The following FARS2 variants were observed in gnomAD, a reference collection of about 807,000 sequenced individuals.
FARS2 encodes the protein phenylalanine--tRNA ligase, mitochondrial.
FARS2 carries 40 observed loss-of-function variants against 46.4 expected under a neutral mutation model. The observed-to-expected ratio is 0.86, with a 90% CI of 0.67 to 1.12. The LOEUF (loss-of-function observed/expected upper bound fraction) is 1.12, where lower values mean the gene tolerates loss of function less well. FARS2 is among the 50% of genes most tolerant of loss of function. The probability of loss-of-function intolerance (pLI) is 0.00; values close to 1 mark genes in which losing one functional copy is unlikely to be tolerated. For missense variants in FARS2, 513 were observed against 567.9 expected (o/e 0.90, Z 0.98); for synonymous variants, 234 against 214.9 (o/e 1.09, Z -0.78).
At chr6:5,728,642 G>A (rs1029350879) in intron 6 of FARS2, among the ~76,000 whole-genome samples, 2 of 152,194 alleles carry the variant, frequency 1.3e-5, no homozygotes, top group South Asian at 2.1e-4. Flanking sequence ...CATAAAGAAA[G>A]GCTCAGTATA....
intron 1 of FARS2, among the ~76,000 whole-genome samples, chr6:5,366,741 C>T (rs551900536): frequency 8.5e-5 from 13 of 152,262 alleles, no homozygotes; most frequent in South Asian, 2.1e-4. Flanking sequence ...AGCACCTTTC[C>T]GAGAACAATT....
intron 6 of FARS2, among the ~76,000 whole-genome samples, chr6:5,644,908 C>T (rs1777001811): frequency 6.6e-6 from 1 of 152,180 alleles, no homozygotes; most frequent in Non-Finnish European, 1.5e-5. Flanking sequence ...ATGGGAATAG[C>T]TGCACACTCA....
intron 6 of FARS2, among the ~76,000 whole-genome samples, chr6:5,732,453 T>C (rs1304228312): frequency 6.6e-6 from 1 of 152,162 alleles, no homozygotes; most frequent in Non-Finnish European, 1.5e-5. Flanking sequence ...TTCTCATCTC[T>C]GTAGCTCCTC....
intron 6 of FARS2, among the ~76,000 whole-genome samples, chr6:5,654,215 G>C (rs1279757155): frequency 1.3e-5 from 2 of 152,148 alleles, no homozygotes; most frequent in Non-Finnish European, 1.5e-5. Context: ...TCATAGGTCA[G>C]TGTGGTCTGC....
chr6:5,272,055 G>T (rs1356082574), intron 1 of FARS2, among the ~76,000 whole-genome samples: 1 of 152,046 alleles, frequency 6.6e-6, no homozygotes, highest in Non-Finnish European at 1.5e-5. Context: ...GTTTTAAATG[G>T]GTGTGTTCTG....
At chr6:5,392,733 TATACAC>T (rs976796346) in intron 2 of FARS2, among the ~76,000 whole-genome samples, 8 of 85,124 alleles carry the variant, frequency 9.4e-5, no homozygotes, top group African/African-American at 3.5e-4. Flanking sequence ...AATATATATA[TATACAC>T]ACACACACAC....
intron 6 of FARS2, chr6:5,667,934 C>G (rs2326633): frequency 6.6e-6 from 1 of 152,368 alleles, no homozygotes; most frequent in Admixed American, 6.5e-5. Context: ...TTTCTAACAT[C>G]GATGTGGGAT....
chr6:5,617,618 C>T (rs907686782), intron 6 of FARS2, among the ~76,000 whole-genome samples: 5 of 152,168 alleles, frequency 3.3e-5, no homozygotes, highest in Non-Finnish European at 5.9e-5. Flanking sequence ...GTGGTATTTC[C>T]AGAAGTTTCT....
rs559667532 is a variant in FARS2, at chr6:5,321,925, G to A, written c.-21-46625G>A. ...AGAGCTATTCACAATTTATGGTGTG[G>A]TGGGACATAAGTTATGTCTTACATT... On this transcript the variant is annotated intron_variant, in intron 1 of 6. Coordinates refer to ENST00000274680, the MANE Select transcript of FARS2 (RefSeq NM_006567.5). Among the ~76,000 whole-genome samples, 3 of 152,332 alleles carry A rather than the reference G, an allele frequency of 2.0e-5. No homozygotes were observed. In the South Asian group the frequency reaches 6.2e-4, roughly 32 times the overall value.
intron 6 of FARS2, among the ~76,000 whole-genome samples, chr6:5,617,781 G>T (rs1775552849): frequency 6.6e-6 from 1 of 152,190 alleles, no homozygotes; most frequent in African/African-American, 2.4e-5. Context: ...ATAGCCTGGG[G>T]CTTGAATCTG....
chr6:5,350,547 C>G (rs979281143), intron 1 of FARS2, among the ~76,000 whole-genome samples: 1 of 152,022 alleles, frequency 6.6e-6, no homozygotes, highest in East Asian at 1.9e-4. Flanking sequence ...AGTTTATTTT[C>G]GACAAAAGCC....
chr6:5,546,094 C>T lies in FARS2; in HGVS notation c.1065+754C>T, dbSNP rs553129885. On this transcript the variant is annotated intron_variant, in intron 5 of 6. Transcript: ENST00000274680. ...AGTCAGCTGAGATCGTGCCATTGCA[C>T]TCCAGCCTGGGCAAAAATAGCGAAA... Among the ~76,000 whole-genome samples, 9 of 152,080 alleles carry T rather than the reference C, an allele frequency of 5.9e-5. No individual in the cohort carries two copies. In the South Asian group the frequency reaches 1.0e-3, roughly 18 times the overall value.
chr6:5,337,755 T>C (rs900648667), intron 1 of FARS2, among the ~76,000 whole-genome samples: 2 of 152,194 alleles, frequency 1.3e-5, no homozygotes, highest in African/African-American at 2.4e-5. Flanking sequence ...GTTTCTTCCT[T>C]CTAGTGGTCA....
Position 5,313,412 on chromosome 6 carries a change from C to G in FARS2, c.-22+51752C>G, listed in dbSNP as rs914442762. Among the ~76,000 whole-genome samples, 6 of 152,170 alleles carry G rather than the reference C, an allele frequency of 3.9e-5. No homozygotes were observed. In the South Asian group the frequency reaches 1.2e-3, roughly 32 times the overall value. On this transcript the variant is annotated intron_variant, in intron 1 of 6. Transcript: ENST00000274680. The stretch of plus-strand genomic sequence containing the variant: ...GCATAAAGGCTCATTGACGCAGGGC[C>G]GTTCCTTATCATTTTAGCTGATTCC...
chr6:5,547,229 G>A (rs1168293441), intron 5 of FARS2, among the ~76,000 whole-genome samples: 5 of 152,146 alleles, frequency 3.3e-5, no homozygotes, highest in Non-Finnish European at 5.9e-5. Context: ...TGGGATTACA[G>A]GTATGAACCA....
intron 6 of FARS2, among the ~76,000 whole-genome samples, chr6:5,721,460 A>G (rs565104923): frequency 1.3e-5 from 2 of 152,368 alleles, no homozygotes; most frequent in South Asian, 2.1e-4. Context: ...AATGACTGAT[A>G]TAATTTTTCA....
At chr6:5,442,056 G>T (rs114403670) in intron 4 of FARS2, among the ~76,000 whole-genome samples, 1 of 152,030 alleles carries the variant, frequency 6.6e-6, no homozygotes, top group African/African-American at 2.4e-5. Context: ...TAGAGTAGCC[G>T]CCACTCCACT....
intron 6 of FARS2, among the ~76,000 whole-genome samples, chr6:5,621,851 A>G (rs1169943276): frequency 6.6e-6 from 1 of 152,246 alleles, no homozygotes; most frequent in African/African-American, 2.4e-5. Flanking sequence ...TCTAAGGGCC[A>G]GAGACCCTCA....
At chr6:5,292,433 A>G (rs1767568827) in intron 1 of FARS2, among the ~76,000 whole-genome samples, 1 of 152,188 alleles carries the variant, frequency 6.6e-6, no homozygotes, top group Non-Finnish European at 1.5e-5. Flanking sequence ...ACTGTCAGCA[A>G]TAGACAAAAT....
Sources: allele counts gnomAD v4.1 joint callset (sites outside exome capture counted in the v4.1 genomes callset), GRCh38; gene constraint gnomAD v4.1.1; transcripts MANE v1.5; gene names NCBI Gene and HGNC (gene_info 2026-07-23, HGNC 2026-07-21).